The following ST6GALNAC3 variants were observed in gnomAD, a reference collection of about 807,000 sequenced individuals.
ST6GALNAC3 encodes ST6 N-acetylgalactosaminide alpha-2,6-sialyltransferase 3.
In ST6GALNAC3, 25 loss-of-function variants were observed where a neutral mutation model predicts 32.7. The observed-to-expected ratio is 0.76, with a 90% CI of 0.56 to 1.07. The LOEUF is 1.07. Among genes scored for constraint, ST6GALNAC3 ranks in the 50% least tolerant of loss-of-function variants. The probability of loss-of-function intolerance (pLI) is 0.00; values close to 1 mark genes in which losing one functional copy is unlikely to be tolerated. For missense variants in ST6GALNAC3, 355 were observed against 382.4 expected, an observed-to-expected ratio of 0.93 and a Z score of 0.60; for synonymous variants, 129 against 133.1, an observed-to-expected ratio of 0.97 and a Z score of 0.21.
chr1:76,422,025 T>C (rs1414059009), intron 3 of ST6GALNAC3, among the ~76,000 whole-genome samples: 1 of 152,002 alleles, frequency 6.6e-6, no homozygotes, highest in Non-Finnish European at 1.5e-5. Context: ...CTTATAGCAT[T>C]ACCTTCTAAC....
At chr1:76,149,704 T>TCACAATGTGTA (rs1650921583) in intron 1 of ST6GALNAC3, among the ~76,000 whole-genome samples, 1 of 152,070 alleles carries the variant, frequency 6.6e-6, no homozygotes, top group South Asian at 2.1e-4. Context: ...ACATTGTGTA[T>TCACAATGTGTA]TCATATTTCT....
At chr1:76,103,094 T>C (rs1647297196) in intron 1 of ST6GALNAC3, among the ~76,000 whole-genome samples, 2 of 151,632 alleles carry the variant, frequency 1.3e-5, no homozygotes, top group Non-Finnish European at 2.9e-5. Flanking sequence ...TTCACCCTTA[T>C]GCTGATTTTT....
chr1:76,180,985 T>C (rs114145345), intron 1 of ST6GALNAC3, among the ~76,000 whole-genome samples: 1,673 of 152,330 alleles, frequency 0.011, 29 homozygotes, highest in East Asian at 0.044. Context: ...ACTTAAGCCA[T>C]GCGTGGATGG....
chr1:76,601,035 A>C (rs187923712), intron 3 of ST6GALNAC3, among the ~76,000 whole-genome samples: 1 of 152,132 alleles, frequency 6.6e-6, no homozygotes. Flanking sequence ...AAAATAAATA[A>C]ATAAATACAA....
At chr1:76,543,906 A>G (rs1185741671) in intron 3 of ST6GALNAC3, among the ~76,000 whole-genome samples, 2 of 152,022 alleles carry the variant, frequency 1.3e-5, no homozygotes, top group Non-Finnish European at 2.9e-5. Context: ...AAGATCATTA[A>G]TTTTTTTCCT....
At chr1:76,486,614 T>C (rs993582907) in intron 3 of ST6GALNAC3, among the ~76,000 whole-genome samples, 4 of 152,236 alleles carry the variant, frequency 2.6e-5, no homozygotes, top group Non-Finnish European at 5.9e-5. Flanking sequence ...TGAGCCTATA[T>C]GTGTCTCTGC....
chr1:76,291,858 T>C (rs998953146), intron 1 of ST6GALNAC3, among the ~76,000 whole-genome samples: 1 of 152,262 alleles, frequency 6.6e-6, no homozygotes, highest in Non-Finnish European at 1.5e-5. Flanking sequence ...TCTCCAGTAA[T>C]GTGTGAATGT....
In ST6GALNAC3 at chr1:76,629,140, C is replaced by T. The variant is rs974702613; in HGVS notation, c.*334C>T. Reference sequence around the variant, plus strand: ...TTCAAGATAGCTGCCTAGAATTGTTCAACAGTGAGTAACTTCCAGAAGCCA... The same window carrying T: ...TTCAAGATAGCTGCCTAGAATTGTTTAACAGTGAGTAACTTCCAGAAGCCA... On this transcript the variant is annotated 3_prime_UTR_variant, in exon 5 of 5. Coordinates refer to ENST00000328299, the MANE Select transcript of ST6GALNAC3 (RefSeq NM_152996.4). 8.7e-5 allele frequency: 92 copies of T among 1,054,560 alleles called. 1 individual carries two copies. The African/African-American group carries it at 1.4e-3, about 16-fold the overall frequency. 65.3% of individuals were successfully genotyped at this position (1,054,560 alleles called of 1,614,324 possible).
In ST6GALNAC3 at chr1:76,169,620, T is replaced by A. The variant is rs997141039; in HGVS notation, c.18+94736T>A. 5.3e-5 allele frequency among the ~76,000 whole-genome samples: 8 copies of A among 152,312 alleles called. No homozygotes were observed. The South Asian group carries it at 1.2e-3, about 24-fold the overall frequency. On this transcript the variant is annotated intron_variant, in intron 1 of 4. Coordinates refer to ENST00000328299, the MANE Select transcript of ST6GALNAC3 (RefSeq NM_152996.4). The stretch of plus-strand genomic sequence containing the variant: ...ATGTCATAGATTTGGTCTCTTTACA[T>A]AATCCCATATTTCTCAGACATTTTG...
Position 76,272,769 on chromosome 1 carries a change from C to T in ST6GALNAC3, c.19-41036C>T, listed in dbSNP as rs151047506. Among the ~76,000 whole-genome samples, 1,390 of 152,332 alleles carry T rather than the reference C, an allele frequency of 9.1e-3. 17 individuals are homozygous for T. Among genetic ancestry groups the T allele is most frequent in the African/African-American group, 0.03 (1,265 of 41,562 alleles). On this transcript the variant is annotated intron_variant, in intron 1 of 4. Coordinates refer to ENST00000328299, the MANE Select transcript of ST6GALNAC3 (RefSeq NM_152996.4). ...CACCCTTGGGATTTACTGATTGGCT[C>T]ACAACAGTAATTGTGAGCAATGAAA...
intron 3 of ST6GALNAC3, among the ~76,000 whole-genome samples, chr1:76,622,074 A>T (rs555820174): frequency 3.8e-4 from 57 of 151,994 alleles, no homozygotes; most frequent in Non-Finnish European, 7.8e-4. Flanking sequence ...AATGATTATT[A>T]TGCTTTTGAA....
intron 1 of ST6GALNAC3, among the ~76,000 whole-genome samples, chr1:76,259,476 C>T (rs1241685904): frequency 6.6e-6 from 1 of 152,148 alleles, no homozygotes; most frequent in East Asian, 1.9e-4. Context: ...ATGCCTGGCA[C>T]CCAGTCAATG....
chr1:76,235,387 G>T (rs1032047128), intron 1 of ST6GALNAC3, among the ~76,000 whole-genome samples: 1 of 152,028 alleles, frequency 6.6e-6, no homozygotes, highest in Non-Finnish European at 1.5e-5. Flanking sequence ...CCTGCCTGTA[G>T]TCCAAGCTAC....
chr1:76,535,360 A>G (rs1482923583), intron 3 of ST6GALNAC3, among the ~76,000 whole-genome samples: 1 of 152,228 alleles, frequency 6.6e-6, no homozygotes, highest in Non-Finnish European at 1.5e-5. Flanking sequence ...GAATTCTAGT[A>G]TCACTACTGA....
chr1:76,268,355 A>T (rs1658651328), intron 1 of ST6GALNAC3, among the ~76,000 whole-genome samples: 1 of 152,204 alleles, frequency 6.6e-6, no homozygotes, highest in Non-Finnish European at 1.5e-5. Context: ...TGTCTTGATG[A>T]TGCTTGATGC....
intron 2 of ST6GALNAC3, among the ~76,000 whole-genome samples, chr1:76,391,920 G>A (rs1463115865): frequency 3.3e-5 from 5 of 152,150 alleles, no homozygotes; most frequent in Non-Finnish European, 7.3e-5. Context: ...AATTCATGGC[G>A]CTTATGTAGC....
chr1:76,504,430 C>T (rs534326089), intron 3 of ST6GALNAC3, among the ~76,000 whole-genome samples: 1 of 152,236 alleles, frequency 6.6e-6, no homozygotes, highest in South Asian at 2.1e-4. Context: ...TTCTGAGGTT[C>T]TGGGTGGACA....
rs1193478170 is a variant in ST6GALNAC3 at position 76,608,818 on chromosome 1, A to G, written c.624-18634A>G. Among the ~76,000 whole-genome samples the G allele has an allele frequency of 2.6e-5, 4 of 152,126 alleles. No homozygotes were observed. The East Asian group carries it at 7.7e-4, about 29-fold the overall frequency. ...ATATTTTTGCACCAGTGGAATTTTT[A>G]TCAGAATTGCACTCAAATATATTAA... On this transcript the variant is annotated intron_variant, in intron 3 of 4. Coordinates refer to ENST00000328299, the MANE Select transcript of ST6GALNAC3 (RefSeq NM_152996.4).
intron 2 of ST6GALNAC3, among the ~76,000 whole-genome samples, chr1:76,350,683 C>G (rs1648903299): frequency 6.6e-6 from 1 of 152,138 alleles, no homozygotes; most frequent in African/African-American, 2.4e-5. Context: ...TGTGTTATAT[C>G]AACTCTGTGA....
Sources: allele counts gnomAD v4.1 joint callset (sites outside exome capture counted in the v4.1 genomes callset), GRCh38; gene constraint gnomAD v4.1.1; transcripts MANE v1.5; gene names NCBI Gene and HGNC (gene_info 2026-07-23, HGNC 2026-07-21).